The following CAMK2A variants were observed in gnomAD, a reference collection of about 807,000 sequenced individuals.
The protein encoded by CAMK2A is calcium/calmodulin dependent protein kinase II alpha.
A neutral mutation model predicts 79.2 loss-of-function variants in CAMK2A; 7 were observed. The observed-to-expected ratio is 0.09, with a 90% CI of 0.05 to 0.17. The LOEUF (loss-of-function observed/expected upper bound fraction) is 0.17, where lower values mean the gene tolerates loss of function less well. Ranked by LOEUF, CAMK2A falls within the 10% of genes least tolerant of loss-of-function variation. The pLI is 1.00. For missense variants in CAMK2A, 214 were observed against 646.4 expected (o/e 0.33, Z 7.25); for synonymous variants, 242 against 251.7 (o/e 0.96, Z 0.36).
intron 1 of CAMK2A, among the ~76,000 whole-genome samples, chr5:150,275,428 A>G (rs1267916819): frequency 6.6e-6 from 1 of 152,070 alleles, no homozygotes; most frequent in African/African-American, 2.4e-5. Flanking sequence ...TGGGTATCCT[A>G]TAATTCAGTT....
In CAMK2A at chr5:150,222,486, G is replaced by C; in HGVS notation, c.*224C>G. The C allele has an allele frequency of 1.4e-6, 1 of 704,716 alleles. No individual in the cohort carries two copies. Among genetic ancestry groups the C allele is most frequent in the Non-Finnish European group, 2.6e-6 (1 of 386,586 alleles). The allele number at this position is 704,716 out of a possible 1,614,324, so 43.7% of individuals were successfully genotyped here. ...CCTGAGGAAGCCCCAGCCTGGCAGGGGAGAGGGTGGGGGTGAGAGGTGGGG... is the reference window on the plus strand; with the variant it reads ...CCTGAGGAAGCCCCAGCCTGGCAGGCGAGAGGGTGGGGGTGAGAGGTGGGG... On this transcript the variant is annotated 3_prime_UTR_variant, in exon 19 of 19. Coordinates refer to ENST00000671881, the MANE Select transcript of CAMK2A (RefSeq NM_015981.4).
At chr5:150,282,164 T>C (rs192670966) in intron 1 of CAMK2A, among the ~76,000 whole-genome samples, 1 of 152,122 alleles carries the variant, frequency 6.6e-6, no homozygotes, top group Non-Finnish European at 1.5e-5. Context: ...ACTCCCAGAC[T>C]CTAAAAGATG....
At chr5:150,274,046 A>T (rs2150302825) in intron 1 of CAMK2A, among the ~76,000 whole-genome samples, 1 of 152,338 alleles carries the variant, frequency 6.6e-6, no homozygotes, top group African/African-American at 2.4e-5. Context: ...TTCCCACTAG[A>T]ATGCAAGAGT....
intron 3 of CAMK2A, among the ~76,000 whole-genome samples, chr5:150,264,743 G>A (rs1180331312): frequency 1.3e-5 from 2 of 152,194 alleles, no homozygotes; most frequent in East Asian, 1.9e-4. Flanking sequence ...AGTGTGGGAT[G>A]GGAGGAAGGG....
rs999231811 is a variant in CAMK2A, at chr5:150,238,945, G to T, written c.1018-197C>A. ...CCAGCTGAGCAGGTGGCCAGGGGCC[G>T]GGTGGGGGAAAGGGATGGCTGCAAA... On this transcript the variant is annotated intron_variant, in intron 14 of 18. Transcript: ENST00000671881. Among the ~76,000 whole-genome samples, 4 of 152,320 alleles carry T rather than the reference G, an allele frequency of 2.6e-5. No individual in the cohort carries two copies. In the South Asian group the frequency reaches 8.3e-4, roughly 32 times the overall value.
At chr5:150,250,620 C>T in intron 10 of CAMK2A, 68 bp downstream of exon 10, 2 of 1,595,636 alleles carry the variant, frequency 1.3e-6, no homozygotes, top group East Asian at 2.2e-5. Context: ...AGGGCCAGAA[C>T]TCTGTGGGGG....
rs973955042 is a variant in CAMK2A at position 150,221,145 on chromosome 5, G to A, written c.*1565C>T. ...TATTTTTTTTTTTAGTCCAAAACAT[G>A]TAGATTGGTTTTGTTGAGTGTTTTC... On this transcript the variant is annotated 3_prime_UTR_variant, in exon 19 of 19. Transcript: ENST00000671881. 1.4e-5 allele frequency: 4 copies of A among 285,748 alleles called. No homozygotes were observed. The highest frequency in any genetic ancestry group is 1.2e-4 in the East Asian group (2 of 17,020). 17.7% of individuals were successfully genotyped at this position (285,748 alleles called of 1,614,324 possible). A position where few individuals can be genotyped will look rare whatever the true frequency, so the allele number is the denominator to read the frequency against.
Position 150,256,974 on chromosome 5 carries a change from G to T in CAMK2A, c.273-143C>A. 1 of 626,756 alleles carries T rather than the reference G, an allele frequency of 1.6e-6. No homozygotes were observed. 38.8% of individuals were successfully genotyped at this position (626,756 alleles called of 1,614,324 possible). ...GGAGGGGCCCCAGGGTCACGGGGGT[G>T]TCCCCTGCTGCAATGCCCTTCCTGT... On this transcript the variant is annotated intron_variant, in intron 4 of 18. Transcript: ENST00000671881. This position sits in a 1 kb window ranked among gnomAD's most constrained non-coding sequence, Gnocchi z 4.6.
intron 2 of CAMK2A, among the ~76,000 whole-genome samples, chr5:150,271,863 AG>A (rs1168819251): frequency 2.0e-5 from 3 of 152,234 alleles, no homozygotes; most frequent in Non-Finnish European, 4.4e-5. Context: ...GTTAAAATGC[AG>A]ATTCAGATTC....
chr5:150,228,098 C>T lies in CAMK2A; in HGVS notation c.1237+94G>A, dbSNP rs574279988. ...TTCCTCTTCGCTGGCTCCTGAGCCG[C>T]CCCTGGGGCCCTGCCCGTCACCCTG... On this transcript the variant is annotated intron_variant, in intron 17 of 18. Transcript: ENST00000671881. The T allele has an allele frequency of 1.4e-5, 15 of 1,091,224 alleles. No individual in the cohort carries two copies. The South Asian group carries it at 1.9e-4, about 14-fold the overall frequency. The allele number at this position is 1,091,224 out of a possible 1,614,324, so 67.6% of individuals were successfully genotyped here.
At chr5:150,278,881 G>A (rs900234059) in intron 1 of CAMK2A, among the ~76,000 whole-genome samples, 5 of 152,126 alleles carry the variant, frequency 3.3e-5, no homozygotes, top group South Asian at 2.1e-4. Context: ...GGTATGAGGC[G>A]TGCATCCACG....
intron 15 of CAMK2A, among the ~76,000 whole-genome samples, chr5:150,234,273 G>A (rs1754972056): frequency 6.6e-6 from 1 of 152,166 alleles, no homozygotes; most frequent in South Asian, 2.1e-4. Context: ...CTCAATGCCT[G>A]TTTCCTGAGG....
chr5:150,261,029 A>G (rs1007085442), intron 3 of CAMK2A, among the ~76,000 whole-genome samples: 1 of 151,864 alleles, frequency 6.6e-6, no homozygotes, highest in African/African-American at 2.4e-5. Context: ...GAGCCACAAG[A>G]AGACTGGAGT....
upstream of CAMK2A, chr5:150,289,953 C>G: frequency 3.1e-6 from 1 of 318,360 alleles, no homozygotes; most frequent in Non-Finnish European, 5.9e-6. Flanking sequence ...CACAATACTG[C>G]AAGCCTGTGT....
intron 18 of CAMK2A, 35 bp downstream of exon 18, chr5:150,222,954 C>T (rs1754393166): frequency 6.3e-7 from 1 of 1,584,596 alleles, no homozygotes; most frequent in Non-Finnish European, 8.7e-7. Context: ...CCATCCTTTA[C>T]ATTACCCTGG....
At chr5:150,255,486 C>A (rs528928483) in intron 6 of CAMK2A, among the ~76,000 whole-genome samples, 53 of 152,338 alleles carry the variant, frequency 3.5e-4, no homozygotes, top group Admixed American at 5.9e-4. Context: ...GTGGGTACAC[C>A]CTGCAGGGGA....
intron 1 of CAMK2A, among the ~76,000 whole-genome samples, chr5:150,285,868 C>T (rs944521857): frequency 1.3e-5 from 2 of 152,204 alleles, no homozygotes; most frequent in African/African-American, 4.8e-5. Context: ...CCTTTCTAAC[C>T]TCTCCTGGGG....
chr5:150,247,358 T>C (rs1580918007), intron 12 of CAMK2A, among the ~76,000 whole-genome samples: 2 of 152,230 alleles, frequency 1.3e-5, no homozygotes, highest in East Asian at 3.8e-4. Flanking sequence ...TGCTGCCTTG[T>C]CATGTAGGCC....
chr5:150,265,263 C>G, intron 2 of CAMK2A: 1 of 493,908 alleles, frequency 2.0e-6, no homozygotes, highest in Non-Finnish European at 3.7e-6. Flanking sequence ...TTCCATGATT[C>G]TTAAATGTGA....
Sources: gnomAD v4.1 joint callset for allele counts (sites outside exome capture counted in the v4.1 genomes callset) on GRCh38, gnomAD v4.1.1 for gene constraint, Gnocchi (gnomAD v3.1) non-coding constraint, MANE v1.5 for transcripts, NCBI Gene and HGNC (gene_info 2026-07-23, HGNC 2026-07-21) for gene names.